Variants in TACC1 observed in about 807,000 individuals in gnomAD.
TACC1 encodes transforming acidic coiled-coil-containing protein 1.
In TACC1, 48 loss-of-function variants were observed where a neutral mutation model predicts 84.4. The observed-to-expected ratio is 0.57, with a 90% CI of 0.45 to 0.72. The LOEUF is 0.72. TACC1 is among the 30% of genes least tolerant of loss of function. The probability of loss-of-function intolerance (pLI) is 0.00; values close to 1 mark genes in which losing one functional copy is unlikely to be tolerated. For synonymous variants in TACC1, 372 were observed against 376.3 expected (o/e 0.99, Z 0.13); for missense variants, 920 against 973.0 (o/e 0.95, Z 0.72).
chr8:38,734,709 C>G (rs1220232204), intron 1 of TACC1, among the ~76,000 whole-genome samples: 1 of 152,272 alleles, frequency 6.6e-6, no homozygotes, highest in African/African-American at 2.4e-5. Flanking sequence ...GCAGCCGAGG[C>G]TTTGCTTGGC....
Position 38,819,615 on chromosome 8 carries a change from A to T in TACC1, c.371A>T (p.Gln124Leu). Reference sequence around the variant, plus strand: ...AAACCTTCAGAAAATGAAGTGCCACAGCAGGCCATTGACTCTCACTCAGTC... The same window carrying T: ...AAACCTTCAGAAAATGAAGTGCCACTGCAGGCCATTGACTCTCACTCAGTC... ...CSKPSENEVP[Q>L]QAIDSHSVKN... Residue 124 changes from glutamine (Q) to leucine (L), a missense_variant, in exon 3 of 13, where the codon CAG becomes CTG. Coordinates refer to ENST00000317827, the MANE Select transcript of TACC1 (RefSeq NM_006283.3). 6.2e-7 allele frequency: 1 copy of T among 1,614,282 alleles called. No individual in the cohort carries two copies. Among genetic ancestry groups the T allele is most frequent in the East Asian group, 2.2e-5 (1 of 44,888 alleles).
chr8:38,789,048 C>T (rs1563495727), intron 2 of TACC1, among the ~76,000 whole-genome samples: 2 of 152,080 alleles, frequency 1.3e-5, no homozygotes, highest in Non-Finnish European at 2.9e-5. Context: ...ATCAAACATT[C>T]CTACTAGGCC....
chr8:38,792,880 G>A (rs573938671), intron 2 of TACC1, among the ~76,000 whole-genome samples: 3 of 151,630 alleles, frequency 2.0e-5, no homozygotes, highest in South Asian at 4.2e-4. Context: ...GATTACAGGC[G>A]TGAGCTACCA....
At chr8:38,793,491 A>G (rs2152026949) in intron 2 of TACC1, among the ~76,000 whole-genome samples, 1 of 152,230 alleles carries the variant, frequency 6.6e-6, no homozygotes, top group African/African-American at 2.4e-5. Context: ...TTTACTAAAA[A>G]CCATTGCATC....
chr8:38,796,166 A>C (rs559944028), intron 2 of TACC1, among the ~76,000 whole-genome samples: 1 of 152,316 alleles, frequency 6.6e-6, no homozygotes, highest in African/African-American at 2.4e-5. Flanking sequence ...TTTTATGACC[A>C]TGATTCTGCG....
At position 38,819,652 on chromosome 8, in the gene TACC1, A is replaced by G. The variant is rs773214340; in HGVS notation, c.408A>G (p.Arg136=). 6.2e-7 allele frequency: 1 copy of G among 1,614,242 alleles called. No homozygotes were observed. The highest frequency in any genetic ancestry group is 8.5e-7 in the Non-Finnish European group (1 of 1,180,046). ...ACTCTCACTCAGTCAAGAATTTCAG[A>G]GAAGAACCTGAACATGATTTTAGCA... ...AIDSHSVKNF[R]EEPEHDFSKI... is the part of the protein sequence containing the mutation. The change falls in exon 3 of 13, where the codon AGA becomes AGG. Residue 136 remains arginine, a synonymous_variant. Coordinates refer to ENST00000317827, the MANE Select transcript of TACC1 (RefSeq NM_006283.3).
chr8:38,781,254 T>C (rs904761746), intron 3 of TACC1, among the ~76,000 whole-genome samples: 3 of 152,210 alleles, frequency 2.0e-5, no homozygotes, highest in Non-Finnish European at 4.4e-5. Context: ...TAGGGTGATC[T>C]CAAAACATTT....
rs752420787 is a variant in TACC1, at chr8:38,820,174, G to A, written c.930G>A (p.Gly310=). ...CCAACGACTCAGGGGTTGAGCTGGG[G>A]GAGGAGTCGAGGAGCTCACCTCTCA... is the stretch of plus-strand genomic sequence containing the variant. ...SDTNDSGVEL[G]EESRSSPLKL... The change falls in exon 3 of 13, where the codon GGG becomes GGA. Residue 310 remains glycine (G), a synonymous_variant. Transcript: ENST00000317827. 1.9e-6 allele frequency: 3 copies of A among 1,614,170 alleles called. No individual in the cohort carries two copies. The highest frequency in any genetic ancestry group is 1.7e-5 in the Admixed American group (1 of 60,026).
chr8:38,847,931 A>C, intron 12 of TACC1, 24 bp from the exon 13 acceptor site: 1 of 1,609,126 alleles, frequency 6.2e-7, no homozygotes, highest in Non-Finnish European at 8.5e-7. Flanking sequence ...AGTGGCCTGC[A>C]TAATTATGTC....
intron 1 of TACC1, among the ~76,000 whole-genome samples, chr8:38,739,016 G>T (rs1391448376): frequency 6.6e-6 from 1 of 152,168 alleles, no homozygotes; most frequent in African/African-American, 2.4e-5. Context: ...TCAGCCTCCT[G>T]AGTAGCTGGG....
intron 3 of TACC1, among the ~76,000 whole-genome samples, chr8:38,821,583 A>G (rs1169995993): frequency 6.6e-6 from 1 of 152,226 alleles, no homozygotes; most frequent in Non-Finnish European, 1.5e-5. Context: ...AAAACTGAGT[A>G]AATTAGTTGG....
chr8:38,851,855 A>G lies in TACC1; in HGVS notation c.*3832A>G. Reference sequence around the variant, plus strand: ...ATAGTCTGGGAATCCCAGAATGTCAAGCCAAAGGTCTAAGAAGTCATCTCC... The same window carrying G: ...ATAGTCTGGGAATCCCAGAATGTCAGGCCAAAGGTCTAAGAAGTCATCTCC... On this transcript the variant is annotated 3_prime_UTR_variant, in exon 13 of 13. Transcript: ENST00000317827. 1 of 449,222 alleles carries G rather than the reference A, an allele frequency of 2.2e-6. No individual in the cohort carries two copies. The allele number at this position is 449,222 out of a possible 1,614,324, so 27.8% of individuals were successfully genotyped here.
intron 3 of TACC1, among the ~76,000 whole-genome samples, chr8:38,777,918 GT>G (rs1331643580): frequency 3.3e-5 from 5 of 152,308 alleles, no homozygotes; most frequent in African/African-American, 1.2e-4. Context: ...CTCTTGCTGT[GT>G]GACCATGTGC....
chr8:38,748,691 A>G (rs1808485148), intron 3 of TACC1, among the ~76,000 whole-genome samples: 1 of 152,176 alleles, frequency 6.6e-6, no homozygotes, highest in African/African-American at 2.4e-5. Flanking sequence ...ACACTTCTAA[A>G]TATTTATTGG....
At chr8:38,769,100 TGTGA>T (rs910977879) in intron 3 of TACC1, among the ~76,000 whole-genome samples, 1 of 147,570 alleles carries the variant, frequency 6.8e-6, no homozygotes, top group Admixed American at 6.8e-5. Flanking sequence ...TGTGTGTGTG[TGTGA>T]GAGACTGTAT....
chr8:38,813,619 G>A (rs1824753088), intron 2 of TACC1, among the ~76,000 whole-genome samples: 1 of 152,174 alleles, frequency 6.6e-6, no homozygotes, highest in African/African-American at 2.4e-5. Context: ...CCAATCACAT[G>A]TTAGAAAATG....
intron 1 of TACC1, among the ~76,000 whole-genome samples, chr8:38,741,204 G>T: frequency 1.4e-5 from 2 of 147,680 alleles, no homozygotes. Context: ...TGTCCAGGTT[G>T]GAGTGCAGTG....
At chr8:38,780,052 C>G (rs1405864205) in intron 3 of TACC1, among the ~76,000 whole-genome samples, 1 of 152,228 alleles carries the variant, frequency 6.6e-6, no homozygotes, top group Non-Finnish European at 1.5e-5. Flanking sequence ...CTTGAAGGCA[C>G]ACAGTCAGAA....
intron 11 of TACC1, among the ~76,000 whole-genome samples, chr8:38,844,329 C>T (rs543577164): frequency 1.3e-5 from 2 of 151,950 alleles, no homozygotes; most frequent in African/African-American, 4.8e-5. Context: ...CACGCCACCA[C>T]ACCCGGCTAA....
Sources: allele counts gnomAD v4.1 joint callset (sites outside exome capture counted in the v4.1 genomes callset), GRCh38; gene constraint gnomAD v4.1.1; transcripts MANE v1.5; gene names NCBI Gene and HGNC (gene_info 2026-07-23, HGNC 2026-07-21).